The following DDX59 variants were observed in gnomAD, a reference collection of about 807,000 sequenced individuals.
The protein encoded by DDX59 is probable ATP-dependent RNA helicase DDX59.
DDX59 carries 30 observed loss-of-function variants against 51.9 expected under a neutral mutation model. The observed-to-expected ratio is 0.58, with a 90% CI of 0.43 to 0.78. The LOEUF (loss-of-function observed/expected upper bound fraction) is 0.78. Ranked by LOEUF, DDX59 falls within the 30% of genes least tolerant of loss-of-function variation. The probability of loss-of-function intolerance (pLI) is 0.00; values close to 1 mark genes in which losing one functional copy is unlikely to be tolerated. For synonymous variants in DDX59, 255 were observed against 253.3 expected (o/e 1.01, Z -0.06); for missense variants, 672 against 730.8 (o/e 0.92, Z 0.93).
chr1:200,646,885 A>C (rs1217760303), intron 7 of DDX59, among the ~76,000 whole-genome samples: 1 of 152,238 alleles, frequency 6.6e-6, no homozygotes, highest in African/African-American at 2.4e-5. Flanking sequence ...CAAAGGTGGT[A>C]TATCTACACG....
chr1:200,666,293 T>TGC lies in DDX59; in HGVS notation c.446_447dup (p.Asn150AlafsTer14). ...GGCTCAGAATCAGCCTTCTGTGGAT[T>TGC]GCTGAGTTTTGATTTCTCTTCCTTT... On this transcript the variant is annotated frameshift_variant, in exon 2 of 8. Transcript: ENST00000331314. LOFTEE classifies it high-confidence loss of function. 3 of 1,614,248 alleles carry TGC rather than the reference T, an allele frequency of 1.9e-6. No individual in the cohort carries two copies. Among genetic ancestry groups the TGC allele is most frequent in the Non-Finnish European group, 2.5e-6 (3 of 1,180,048 alleles).
In DDX59 at chr1:200,651,091, A is replaced by G. The variant is rs569759598; in HGVS notation, c.1063-415T>C. ...GTAACAAGATACCTATTTATGCTAC[A>G]AAAATATTATATGTATATACACTCA... is the stretch of plus-strand genomic sequence containing the variant. On this transcript the variant is annotated intron_variant, in intron 4 of 7. Transcript: ENST00000331314. 4.4e-3 allele frequency among the ~76,000 whole-genome samples: 671 copies of G among 152,306 alleles called. 9 individuals carry two copies. The highest frequency in any genetic ancestry group is 7.1e-3 in the Non-Finnish European group (480 of 68,024).
Position 200,666,728 on chromosome 1 carries a change from T to C in DDX59, c.13A>G (p.Arg5Gly). MFVP[R>G]SLKIKRNAND... ...GCATTCCTCTTGATTTTTAGAGATC[T>C]TGGAACAAACATCCTTCAATATTCT... The change falls in exon 2 of 8, where the codon AGA becomes GGA. Residue 5 changes from arginine to glycine, a missense_variant. Physicochemically the swap from Arg to Gly is moderately radical, Grantham distance 125 (BLOSUM62 -2). Transcript: ENST00000331314. 2 of 1,610,654 alleles carry C rather than the reference T, an allele frequency of 1.2e-6. No individual in the cohort carries two copies. Among genetic ancestry groups the C allele is most frequent in the Non-Finnish European group, 8.5e-7 (1 of 1,177,526 alleles).
intron 1 of DDX59, among the ~76,000 whole-genome samples, chr1:200,667,243 A>G (rs900643318): frequency 1.3e-5 from 2 of 152,114 alleles, no homozygotes; most frequent in African/African-American, 4.8e-5. Flanking sequence ...GTCTCTACTA[A>G]TACAAAAATT....
chr1:200,652,815 T>G (rs1661754817), intron 4 of DDX59, among the ~76,000 whole-genome samples: 1 of 144,464 alleles, frequency 6.9e-6, no homozygotes, highest in Admixed American at 7.0e-5. Context: ...ACCACAGGTG[T>G]GACCACAGGC....
chr1:200,661,682 A>C (rs1364575908), intron 3 of DDX59, among the ~76,000 whole-genome samples: 1 of 152,244 alleles, frequency 6.6e-6, no homozygotes, highest in Non-Finnish European at 1.5e-5. Flanking sequence ...GCAACATGTG[A>C]TTCTGAACTG....
At chr1:200,663,029 A>G (rs1662477358) in intron 3 of DDX59, among the ~76,000 whole-genome samples, 1 of 152,206 alleles carries the variant, frequency 6.6e-6, no homozygotes, top group Non-Finnish European at 1.5e-5. Context: ...TGTCAGATAA[A>G]TCTGATTTGA....
intron 4 of DDX59, among the ~76,000 whole-genome samples, chr1:200,651,801 G>C (rs542272558): frequency 6.6e-6 from 1 of 152,288 alleles, no homozygotes; most frequent in East Asian, 1.9e-4. Flanking sequence ...GAGGTCAGGA[G>C]ATCGAGACCA....
intron 3 of DDX59, 152 bp downstream of exon 3, chr1:200,663,767 T>TAAA (rs59213524): frequency 1.2e-3 from 675 of 585,930 alleles, no homozygotes; most frequent in South Asian, 1.5e-3. Flanking sequence ...TAAAACAAAC[T>TAAA]AAAAAAAAAA....
rs1558131635 is a variant in DDX59 at position 200,666,107 on chromosome 1, CAG to C, written c.632_633del (p.Pro211ArgfsTer13). 1.2e-6 allele frequency: 2 copies of C among 1,614,202 alleles called. No individual in the cohort carries two copies. The highest frequency in any genetic ancestry group is 2.7e-5 in the African/African-American group (2 of 75,044). On this transcript the variant is annotated frameshift_variant, in exon 2 of 8. Transcript: ENST00000331314. LOFTEE classifies it high-confidence loss of function. ...PIIDFEHCSL[P>X]EVLNHNLKKS... ...TTCTTCAAGTTGTGATTTAAGACCT[CAG>C]GGAGACTACAATGTTCAAAGTCAAT... is the stretch of plus-strand genomic sequence containing the variant.
chr1:200,662,810 T>C (rs977316797), intron 3 of DDX59, among the ~76,000 whole-genome samples: 1 of 152,208 alleles, frequency 6.6e-6, no homozygotes, highest in Non-Finnish European at 1.5e-5. Context: ...GCAGTTAAAC[T>C]CCATTAACCC....
chr1:200,668,494 A>T (rs1025777579), intron 1 of DDX59, among the ~76,000 whole-genome samples: 1 of 148,952 alleles, frequency 6.7e-6, no homozygotes, highest in Non-Finnish European at 1.5e-5. Flanking sequence ...CAAACCATAA[A>T]TTCTCATCAG....
chr1:200,667,590 G>A (rs1196307727), intron 1 of DDX59, among the ~76,000 whole-genome samples: 1 of 152,126 alleles, frequency 6.6e-6, no homozygotes, highest in East Asian at 1.9e-4. Context: ...TTTGCACTTT[G>A]AAGTATCAGA....
chr1:200,669,335 T>C (rs879862256), intron 1 of DDX59, among the ~76,000 whole-genome samples: 3 of 145,390 alleles, frequency 2.1e-5, no homozygotes, highest in Non-Finnish European at 3.0e-5. Flanking sequence ...ATCCTAAATC[T>C]CCGAAAATGT....
rs115960805 is a variant in DDX59 at position 200,649,212 on chromosome 1, A to G, written c.1329T>C (p.Phe443=). 1.3e-4 allele frequency: 211 copies of G among 1,569,558 alleles called. 1 individual carries two copies. In the African/African-American group the frequency reaches 1.6e-3, roughly 12 times the overall value. ...LFEILNDKKL[F]KPPVLVFVDC... is the part of the protein sequence containing the mutation. Reference sequence around the variant, plus strand: ...CCACAAATACTAACACTGGAGGCTTAAAGAGTTTCTTATCCTGAAAAATTA... The same window carrying G: ...CCACAAATACTAACACTGGAGGCTTGAAGAGTTTCTTATCCTGAAAAATTA... Residue 443 remains phenylalanine, a synonymous_variant, in exon 6 of 8, where the codon TTT becomes TTC. Coordinates refer to ENST00000331314, the MANE Select transcript of DDX59 (RefSeq NM_001031725.6).
intron 4 of DDX59, among the ~76,000 whole-genome samples, chr1:200,653,322 T>C (rs539482722): frequency 7.2e-4 from 110 of 152,208 alleles, no homozygotes; most frequent in African/African-American, 2.6e-3. Context: ...CCAAACCCAC[T>C]CCTGTCCCAG....
Position 200,669,761 on chromosome 1 carries a change from G to T in DDX59, c.-12+6C>A, listed in dbSNP as rs530416095. ...CCAGGGGCCCAAGCTTCCGGGGCACGCTCACCCGCGCAGGACTGAGGCCGC... is the reference window on the plus strand; with the variant it reads ...CCAGGGGCCCAAGCTTCCGGGGCACTCTCACCCGCGCAGGACTGAGGCCGC... On this transcript the variant is annotated splice_donor_region_variant and intron_variant, in intron 1 of 7. Transcript: ENST00000331314. 5.0e-4 allele frequency: 77 copies of T among 152,550 alleles called. No individual in the cohort carries two copies. The South Asian group carries it at 0.014, about 28-fold the overall frequency. 9.4% of individuals were successfully genotyped at this position (152,550 alleles called of 1,614,324 possible). A position where few individuals can be genotyped will look rare whatever the true frequency, so the allele number is the denominator to read the frequency against.
At chr1:200,657,074 ACT>A (rs564683625) in intron 4 of DDX59, among the ~76,000 whole-genome samples, 50 of 151,832 alleles carry the variant, frequency 3.3e-4, no homozygotes, top group Admixed American at 1.2e-3. Context: ...ACATGGTAAA[ACT>A]CTGTCTCAAC....
At chr1:200,651,900 C>A (rs867525562) in intron 4 of DDX59, among the ~76,000 whole-genome samples, 2 of 149,922 alleles carry the variant, frequency 1.3e-5, no homozygotes, top group Non-Finnish European at 3.0e-5. Flanking sequence ...TCCAGCTACT[C>A]GGGAGGCTGA....
Sources: allele counts gnomAD v4.1 joint callset (sites outside exome capture counted in the v4.1 genomes callset), GRCh38; gene constraint gnomAD v4.1.1; transcripts MANE v1.5; gene names NCBI Gene and HGNC (gene_info 2026-07-23, HGNC 2026-07-21).